The following ANXA6 variants were observed in gnomAD, a reference collection of about 807,000 sequenced individuals.
ANXA6 encodes the protein annexin A6, also known as 67 kDa calelectrin.
A neutral mutation model predicts 95.4 loss-of-function variants in ANXA6; 71 were observed. The ratio of observed to expected loss-of-function variants is 0.74; its 90% confidence interval spans 0.61 to 0.91. The LOEUF (loss-of-function observed/expected upper bound fraction) is 0.91. Ranked by LOEUF, ANXA6 falls within the 40% of genes least tolerant of loss-of-function variation. The pLI, the probability that ANXA6 is intolerant of heterozygous loss-of-function variation, is 0.00. For synonymous variants in ANXA6, 289 were observed against 315.9 expected, an observed-to-expected ratio of 0.91 and a Z score of 0.90; for missense variants, 830 against 876.4, an observed-to-expected ratio of 0.95 and a Z score of 0.67.
chr5:151,133,495 G>T (rs1429543999), intron 8 of ANXA6, among the ~76,000 whole-genome samples: 1 of 152,204 alleles, frequency 6.6e-6, no homozygotes, highest in Non-Finnish European at 1.5e-5. Flanking sequence ...TACCTGTTCA[G>T]CGTGTTATCT....
chr5:151,121,766 A>G (rs1765174594), intron 17 of ANXA6, among the ~76,000 whole-genome samples: 1 of 152,222 alleles, frequency 6.6e-6, no homozygotes, highest in Non-Finnish European at 1.5e-5. Flanking sequence ...AGCTGAATCA[A>G]CTTGGAGTAA....
At chr5:151,142,750 C>T (rs868091786) in intron 2 of ANXA6, among the ~76,000 whole-genome samples, 13 of 152,148 alleles carry the variant, frequency 8.5e-5, no homozygotes, top group South Asian at 4.1e-4. Flanking sequence ...AGATGGAGGA[C>T]GCCGAAGGGG....
chr5:151,142,857 G>A (rs1247004562), intron 2 of ANXA6, among the ~76,000 whole-genome samples: 1 of 152,212 alleles, frequency 6.6e-6, no homozygotes, highest in Non-Finnish European at 1.5e-5. Flanking sequence ...ATTAAGCTTT[G>A]AAAGATGCCA....
chr5:151,105,130 A>G, intron 24 of ANXA6, 115 bp downstream of exon 24: 1 of 1,023,118 alleles, frequency 9.8e-7, no homozygotes, highest in Non-Finnish European at 1.5e-6. Flanking sequence ...TAAATGTCAA[A>G]TGGGAAGAAA....
intron 8 of ANXA6, 174 bp from the exon 9 acceptor site, chr5:151,133,361 G>A (rs1359525800): frequency 1.7e-6 from 1 of 576,200 alleles, no homozygotes; most frequent in African/African-American, 1.9e-5. Flanking sequence ...TACATTCTGA[G>A]AACTGCCATT....
intron 25 of ANXA6, among the ~76,000 whole-genome samples, chr5:151,102,992 CGTTTGTTT>C (rs759385358): frequency 1.3e-5 from 2 of 151,876 alleles, no homozygotes; most frequent in African/African-American, 4.8e-5. Flanking sequence ...GTAAGTTTTT[CGTTTGTTT>C]GTTTGTCTGT....
chr5:151,141,495 A>G, intron 2 of ANXA6: 1 of 985,314 alleles, frequency 1.0e-6, no homozygotes, highest in Middle Eastern at 5.2e-4. Flanking sequence ...AAAGAATCCA[A>G]AAAAGAGGGA....
intron 2 of ANXA6, chr5:151,141,626 G>T: frequency 1.0e-6 from 1 of 985,410 alleles, no homozygotes; most frequent in Non-Finnish European, 1.2e-6. Flanking sequence ...GCAGGACCCC[G>T]GCCAGGCCTC....
intron 20 of ANXA6, among the ~76,000 whole-genome samples, chr5:151,113,712 C>G (rs1464768465): frequency 1.3e-5 from 2 of 152,172 alleles, no homozygotes; most frequent in African/African-American, 4.8e-5. Context: ...CTAGCTACTT[C>G]ATGCAAAAAT....
Position 151,117,813 on chromosome 5 carries a change from G to C in ANXA6, c.1463C>G (p.Ala488Gly), listed in dbSNP as rs376748472. Reference sequence around the variant, plus strand: ...GTGGCCAGATGTGTCTGAGCTCAGAGCATCCTCCAGGGACTTGTGATAGTC... The same window carrying C: ...GTGGCCAGATGTGTCTGAGCTCAGACCATCCTCCAGGGACTTGTGATAGTC... ...KEDYHKSLED[A>G]LSSDTSGHFR... Residue 488 changes from alanine to glycine, a missense_variant, in exon 19 of 26, where the codon GCT becomes GGT. Ala to Gly is a moderately conservative substitution (Grantham distance 60). Coordinates refer to ENST00000354546, the MANE Select transcript of ANXA6 (RefSeq NM_001155.5). The C allele has an allele frequency of 2.1e-5, 34 of 1,613,664 alleles. No individual in the cohort carries two copies. The highest frequency in any genetic ancestry group is 4.0e-5 in the African/African-American group (3 of 74,930).
rs766787735 is a variant in ANXA6, at chr5:151,101,551, G to T, written c.1963-44C>A. The T allele has an allele frequency of 4.0e-6, 6 of 1,510,184 alleles. No homozygotes were observed. The East Asian group carries it at 1.2e-4, about 31-fold the overall frequency. The allele number at this position is 1,510,184 out of a possible 1,614,324, so 93.5% of individuals were successfully genotyped here. A position where few individuals can be genotyped will look rare whatever the true frequency, so the allele number is the denominator to read the frequency against. On this transcript the variant is annotated intron_variant, in intron 25 of 25. Coordinates refer to ENST00000354546, the MANE Select transcript of ANXA6 (RefSeq NM_001155.5). ...AGAGTGAGTGAAAACAGTCCTTCCA[G>T]TCTCAATGCCCCCTCCTCCCGGCTG...
intron 1 of ANXA6, among the ~76,000 whole-genome samples, chr5:151,153,091 TA>T: frequency 6.6e-6 from 1 of 152,308 alleles, no homozygotes; most frequent in South Asian, 2.1e-4. Context: ...TGCCCCTTAA[TA>T]CTGGGCCTCT....
intron 4 of ANXA6, 197 bp downstream of exon 4, chr5:151,139,156 C>G: frequency 1.7e-6 from 1 of 594,426 alleles, no homozygotes; most frequent in South Asian, 2.0e-5. Context: ...TAGCACGAGC[C>G]CAGCATACAG....
At chr5:151,141,035 C>T (rs556372278) in intron 2 of ANXA6, among the ~76,000 whole-genome samples, 19 of 152,316 alleles carry the variant, frequency 1.2e-4, no homozygotes, top group Middle Eastern at 3.4e-3. Context: ...CAGTAAACTG[C>T]GCTGTGAACT....
At chr5:151,147,671 T>C (rs183570068) in intron 2 of ANXA6, among the ~76,000 whole-genome samples, 47 of 152,330 alleles carry the variant, frequency 3.1e-4, no homozygotes, top group Middle Eastern at 3.4e-3. Context: ...TACACATCCT[T>C]TTCTGCTTAG....
chr5:151,110,279 G>A (rs986159023), intron 21 of ANXA6, among the ~76,000 whole-genome samples: 2 of 152,216 alleles, frequency 1.3e-5, no homozygotes, highest in Non-Finnish European at 2.9e-5. Context: ...AAACACACCC[G>A]ATCACACTGC....
intron 20 of ANXA6, among the ~76,000 whole-genome samples, chr5:151,113,134 C>T (rs1176596897): frequency 6.6e-6 from 1 of 152,194 alleles, no homozygotes; most frequent in East Asian, 1.9e-4. Flanking sequence ...GGCATGATGG[C>T]TCACGCCTGT....
Position 151,139,387 on chromosome 5 carries a change from T to C in ANXA6, c.170A>G (p.Glu57Gly). The change falls in exon 4 of 26, where the codon GAG (glutamate) becomes GGG (glycine). Residue 57 changes from glutamate to glycine, a missense_variant. Coordinates refer to ENST00000354546, the MANE Select transcript of ANXA6 (RefSeq NM_001155.5). ...GAGGGACTTGTAGCTCTGGCAGACC[T>C]CCTGCCTCTGCCTGTTGCTCCGTGA... ...ITSRSNRQRQ[E>G]VCQSYKSLYG... is the part of the protein sequence containing the mutation. The C allele has an allele frequency of 1.2e-6, 2 of 1,613,406 alleles. No individual in the cohort carries two copies. The highest frequency in any genetic ancestry group is 2.2e-5 in the South Asian group (2 of 91,058).
chr5:151,129,315 G>A (rs1253510376), intron 12 of ANXA6, 92 bp downstream of exon 12: 23 of 1,516,850 alleles, frequency 1.5e-5, no homozygotes, highest in Non-Finnish European at 2.0e-5. Flanking sequence ...CCACTTCCTA[G>A]GACATTTCCT....
Sources: gnomAD v4.1 joint callset for allele counts (sites outside exome capture counted in the v4.1 genomes callset) on GRCh38, gnomAD v4.1.1 for gene constraint, MANE v1.5 for transcripts, NCBI Gene and HGNC (gene_info 2026-07-23, HGNC 2026-07-21) for gene names.